MCF2L2: variants seen among roughly 807,000 people sequenced by gnomAD.
MCF2L2 encodes the protein MCF.2 cell line derived transforming sequence-like 2.
In MCF2L2, 102 loss-of-function variants were observed where a neutral mutation model predicts 150.2. The observed-to-expected ratio is 0.68, with a 90% CI of 0.58 to 0.80. MCF2L2 has a LOEUF of 0.80. MCF2L2 is among the 30% of genes least tolerant of loss of function. The pLI is 0.00. For missense variants in MCF2L2, 1,256 were observed against 1,372.8 expected (o/e 0.91, Z 1.34); for synonymous variants, 465 against 491.3 (o/e 0.95, Z 0.71).
intron 15 of MCF2L2, among the ~76,000 whole-genome samples, chr3:183,266,583 C>T (rs903700843): frequency 6.6e-6 from 1 of 152,164 alleles, no homozygotes; most frequent in Non-Finnish European, 1.5e-5. Flanking sequence ...TGGATGAGCA[C>T]TGTGGAAAGA....
intron 13 of MCF2L2, among the ~76,000 whole-genome samples, chr3:183,293,999 A>G (rs1352408094): frequency 6.6e-6 from 1 of 152,230 alleles, no homozygotes; most frequent in African/African-American, 2.4e-5. Flanking sequence ...GTAAGATAAT[A>G]GTTCTCTCCA....
intron 1 of MCF2L2, among the ~76,000 whole-genome samples, chr3:183,409,515 CA>C (rs1264221495): frequency 6.7e-6 from 1 of 150,012 alleles, no homozygotes; most frequent in Non-Finnish European, 1.5e-5. Flanking sequence ...CAACTTGTGA[CA>C]CTAAAAGGCA....
chr3:183,291,973 G>A (rs919387132), intron 13 of MCF2L2, among the ~76,000 whole-genome samples: 8 of 152,200 alleles, frequency 5.3e-5, no homozygotes, highest in African/African-American at 1.9e-4. Context: ...GAGGACAGAC[G>A]AAAGGTCAAG....
intron 15 of MCF2L2, among the ~76,000 whole-genome samples, chr3:183,264,023 A>C (rs1192798715): frequency 6.6e-6 from 1 of 152,038 alleles, no homozygotes; most frequent in African/African-American, 2.4e-5. Flanking sequence ...TCTGCATTTC[A>C]CCCCATACCA....
At chr3:183,203,736 G>C (rs573707600) in intron 25 of MCF2L2, among the ~76,000 whole-genome samples, 1 of 152,142 alleles carries the variant, frequency 6.6e-6, no homozygotes, top group Admixed American at 6.5e-5. Flanking sequence ...CTTCAAGAAA[G>C]TCTATAAACT....
At chr3:183,252,820 T>C (rs986940770) in intron 15 of MCF2L2, among the ~76,000 whole-genome samples, 4 of 152,238 alleles carry the variant, frequency 2.6e-5, no homozygotes, top group Non-Finnish European at 5.9e-5. Flanking sequence ...CTCAAAATAT[T>C]ATCTCCGTTA....
intron 14 of MCF2L2, among the ~76,000 whole-genome samples, chr3:183,277,633 C>T (rs1019233092): frequency 6.6e-6 from 1 of 151,246 alleles, no homozygotes; most frequent in South Asian, 2.1e-4. Flanking sequence ...AGCTCTAAAA[C>T]AATATGGCAA....
intron 27 of MCF2L2, among the ~76,000 whole-genome samples, chr3:183,186,017 C>T (rs1721681302): frequency 1.3e-5 from 2 of 152,064 alleles, no homozygotes; most frequent in South Asian, 4.2e-4. Context: ...GAGGGAGGGG[C>T]TGTAGGTCAA....
chr3:183,312,775 C>T (rs974506790), intron 7 of MCF2L2, among the ~76,000 whole-genome samples: 35 of 152,182 alleles, frequency 2.3e-4, no homozygotes, highest in Admixed American at 2.3e-3. Context: ...ACCTTTGTTC[C>T]TTGTGTCCCA....
intron 1 of MCF2L2, among the ~76,000 whole-genome samples, chr3:183,393,178 G>A (rs1288871219): frequency 2.7e-5 from 4 of 150,568 alleles, no homozygotes; most frequent in African/African-American, 4.9e-5. Flanking sequence ...CACAGATTAG[G>A]GAGAAACTTG....
chr3:183,229,825 C>T (rs1477074170), intron 16 of MCF2L2, 44 bp from the exon 17 acceptor site: 1 of 817,616 alleles, frequency 1.2e-6, no homozygotes, highest in Admixed American at 2.4e-5. Flanking sequence ...CAGGAACATA[C>T]CAGAGATCAT....
intron 16 of MCF2L2, 113 bp from the exon 17 acceptor site, chr3:183,229,894 C>T (rs1723485974): frequency 3.9e-6 from 2 of 507,350 alleles, no homozygotes; most frequent in Non-Finnish European, 3.6e-6. Flanking sequence ...ATATAGCACA[C>T]TTGTTTCTTG....
intron 5 of MCF2L2, among the ~76,000 whole-genome samples, chr3:183,323,771 T>C (rs1729912434): frequency 6.8e-6 from 1 of 147,616 alleles, no homozygotes; most frequent in Non-Finnish European, 1.5e-5. Context: ...CACTCCAGCC[T>C]GGGCGACAGA....
chr3:183,319,000 T>C (rs1489148538), intron 6 of MCF2L2, among the ~76,000 whole-genome samples: 2 of 152,220 alleles, frequency 1.3e-5, no homozygotes, highest in East Asian at 1.9e-4. Flanking sequence ...AAGACAACAA[T>C]GAAGTTGCCA....
At position 183,290,095 on chromosome 3, in the gene MCF2L2, A is replaced by C. The variant is rs142027979; in HGVS notation, c.1676-875T>G. ...GCTTATTACAGAAAATCTGAAAAACACTAAACTCTTAACGCTGAAGCACAA... is the reference window on the plus strand; with the variant it reads ...GCTTATTACAGAAAATCTGAAAAACCCTAAACTCTTAACGCTGAAGCACAA... On this transcript the variant is annotated intron_variant, in intron 13 of 29. Coordinates refer to ENST00000328913, the MANE Select transcript of MCF2L2 (RefSeq NM_015078.4). Among the ~76,000 whole-genome samples the C allele has an allele frequency of 2.1e-4, 32 of 152,354 alleles. No homozygotes were observed. The South Asian group carries it at 3.1e-3, about 15-fold the overall frequency.
Position 183,179,256 on chromosome 3 carries a change from C to A in MCF2L2, c.*124G>T. 7.6e-7 allele frequency: 1 copy of A among 1,312,312 alleles called. No homozygotes were observed. Among genetic ancestry groups the A allele is most frequent in the Non-Finnish European group, 9.8e-7 (1 of 1,023,216 alleles). The allele number at this position is 1,312,312 out of a possible 1,614,324, so 81.3% of individuals were successfully genotyped here. ...CCTCGGAGGAGGCCCTGGTTGTCCCCTTTCTGCCGCCGCCGAGGCTCCGGC... is the reference window on the plus strand; with the variant it reads ...CCTCGGAGGAGGCCCTGGTTGTCCCATTTCTGCCGCCGCCGAGGCTCCGGC... On this transcript the variant is annotated 3_prime_UTR_variant, in exon 30 of 30. Coordinates refer to ENST00000328913, the MANE Select transcript of MCF2L2 (RefSeq NM_015078.4). This position sits in a 1 kb window ranked among gnomAD's most constrained non-coding sequence, Gnocchi z 4.2.
intron 15 of MCF2L2, among the ~76,000 whole-genome samples, chr3:183,239,601 G>A (rs1482092059): frequency 1.8e-5 from 2 of 110,478 alleles, no homozygotes; most frequent in East Asian, 3.0e-4. Context: ...CCTCCCCGCC[G>A]TTTCTCAGTT....
chr3:183,346,576 G>C (rs570465253), intron 3 of MCF2L2, among the ~76,000 whole-genome samples: 14 of 152,292 alleles, frequency 9.2e-5, no homozygotes, highest in Admixed American at 9.2e-4. Flanking sequence ...TGAGGCAAGA[G>C]AATGAAATAA....
intron 11 of MCF2L2, chr3:183,298,422 C>T (rs1728649820): frequency 6.6e-6 from 1 of 152,066 alleles, no homozygotes; most frequent in Non-Finnish European, 1.5e-5. Flanking sequence ...TGATAGGCAA[C>T]TTAAGTTTTT....
Sources: gnomAD v4.1 joint callset for allele counts (sites outside exome capture counted in the v4.1 genomes callset) on GRCh38, gnomAD v4.1.1 for gene constraint, Gnocchi (gnomAD v3.1) non-coding constraint, MANE v1.5 for transcripts, NCBI Gene and HGNC (gene_info 2026-07-23, HGNC 2026-07-21) for gene names.